Variants in NPHP4 observed in about 807,000 individuals in gnomAD.
NPHP4 encodes the protein nephrocystin-4.
Under a neutral mutation model 155.8 loss-of-function variants are expected in NPHP4, and 151 were observed. The ratio of observed to expected loss-of-function variants is 0.97; its 90% CI spans 0.85 to 1.11. NPHP4 has a LOEUF of 1.11. Ranked by LOEUF, NPHP4 falls within the 50% of genes least tolerant of loss-of-function variation. The pLI, the probability that NPHP4 is intolerant of heterozygous loss-of-function variation, is 0.00. For missense variants in NPHP4, 1,956 were observed against 1,925.7 expected (o/e 1.02, Z -0.29); for synonymous variants, 845 against 816.8 (o/e 1.03, Z -0.59).
chr1:5,868,132 G>C (rs561065975), intron 23 of NPHP4: 2 of 655,842 alleles, frequency 3.0e-6, no homozygotes, highest in South Asian at 3.3e-5. Context: ...GGGCACCCAA[G>C]CAGCCACACT....
chr1:5,868,595 C>A (rs1395584028), intron 23 of NPHP4, among the ~76,000 whole-genome samples: 1 of 151,170 alleles, frequency 6.6e-6, no homozygotes, highest in African/African-American at 2.4e-5. Flanking sequence ...CATGCACACC[C>A]ACATGCATGC....
chr1:5,951,250 G>A (rs913045160), intron 7 of NPHP4, among the ~76,000 whole-genome samples: 1 of 152,188 alleles, frequency 6.6e-6, no homozygotes, highest in South Asian at 2.1e-4. Flanking sequence ...CTCGTGTCGC[G>A]CAGTCACACA....
chr1:5,961,666 C>T (rs1650341587), intron 6 of NPHP4, 128 bp downstream of exon 6: 1 of 795,258 alleles, frequency 1.3e-6, no homozygotes, highest in African/African-American at 1.7e-5. Context: ...CCCGCCAGGC[C>T]GTGCTGCTGA....
intron 23 of NPHP4, among the ~76,000 whole-genome samples, chr1:5,868,539 C>T (rs190702921): frequency 1.4e-4 from 22 of 151,852 alleles, no homozygotes; most frequent in African/African-American, 2.7e-4. Flanking sequence ...CCCACACACA[C>T]GCATGCACTC....
At position 5,967,279 on chromosome 1, in the gene NPHP4, A is replaced by C. The variant is rs1378122652; in HGVS notation, c.517+20T>G. Reference sequence around the variant, plus strand: ...GGCACGAGAGCAGTGAGTGCTGCCAAGGCCAGGTCTGGCTCTTACGCTCTG... The same window carrying C: ...GGCACGAGAGCAGTGAGTGCTGCCACGGCCAGGTCTGGCTCTTACGCTCTG... On this transcript the variant is annotated intron_variant, in intron 5 of 29. Transcript: ENST00000378156. 2 of 1,588,486 alleles carry C rather than the reference A, an allele frequency of 1.3e-6. No homozygotes were observed. Among genetic ancestry groups the C allele is most frequent in the Admixed American group, 3.5e-5 (2 of 56,454 alleles).
intron 6 of NPHP4, among the ~76,000 whole-genome samples, chr1:5,957,943 C>T (rs182102929): frequency 6.6e-5 from 10 of 152,338 alleles, no homozygotes; most frequent in Non-Finnish European, 1.5e-4. Flanking sequence ...TATGACCTCC[C>T]TCCTAAGAGT....
chr1:5,893,696 T>C (rs776912743), intron 16 of NPHP4, among the ~76,000 whole-genome samples: 12 of 152,202 alleles, frequency 7.9e-5, no homozygotes, highest in Non-Finnish European at 1.6e-4. Flanking sequence ...CCACAAGAGA[T>C]GGAGGAGCAG....
chr1:5,905,739 G>A lies in NPHP4; in HGVS notation c.1656C>T (p.Asp552=). The A allele has an allele frequency of 6.2e-7, 1 of 1,612,938 alleles. No individual in the cohort carries two copies. Among genetic ancestry groups the A allele is most frequent in the Non-Finnish European group, 8.5e-7 (1 of 1,179,436 alleles). Reference sequence around the variant, plus strand: ...CCAGGACCAGGGAGGTCTGGCTCAGGTCGGCTTCCAGGTGGGAGATACCGG... The same window carrying A: ...CCAGGACCAGGGAGGTCTGGCTCAGATCGGCTTCCAGGTGGGAGATACCGG... The part of the protein sequence containing the change: ...LEAGISHLEA[D]LSQTSLVLET... Residue 552 remains aspartate, a synonymous_variant, in exon 14 of 30, where the codon GAC becomes GAT. Coordinates refer to ENST00000378156, the MANE Select transcript of NPHP4 (RefSeq NM_015102.5). The surrounding 1 kb of genome is among the most constrained non-coding windows in gnomAD (Gnocchi z 4.0).
chr1:5,977,618 G>C (rs1279592299), intron 3 of NPHP4, among the ~76,000 whole-genome samples: 1 of 151,572 alleles, frequency 6.6e-6, no homozygotes, highest in Non-Finnish European at 1.5e-5. Flanking sequence ...CCTGCAGAGA[G>C]CAGGTGCTGA....
chr1:5,864,872 C>T (rs1274366685), intron 27 of NPHP4: 1 of 564,288 alleles, frequency 1.8e-6, no homozygotes, highest in Non-Finnish European at 3.2e-6. Flanking sequence ...TTCACCTTGC[C>T]AGGAATTCTG....
Position 5,905,444 on chromosome 1 carries a change from C to A in NPHP4, c.1803G>T (p.Leu601=). Residue 601 remains leucine, a synonymous_variant, in exon 15 of 30, where the codon CTG becomes CTT. Transcript: ENST00000378156. This position sits in a 1 kb window ranked among gnomAD's most constrained non-coding sequence, Gnocchi z 4.0. Reference sequence around the variant, plus strand: ...GAATCTCGGGAAAGCCGGAGGACTGCAGGAGCACCATGGAGGCTCTCGAGG... The same window carrying A: ...GAATCTCGGGAAAGCCGGAGGACTGAAGGAGCACCATGGAGGCTCTCGAGG... ...GQPSRASMVL[L]QSSGFPEILD... 1 of 1,610,190 alleles carries A rather than the reference C, an allele frequency of 6.2e-7. No homozygotes were observed. Among genetic ancestry groups the A allele is most frequent in the African/African-American group, 1.3e-5 (1 of 74,972 alleles).
In NPHP4 at chr1:5,899,187, T is replaced by G. The variant is rs944575604; in HGVS notation, c.2143+5430A>C. On this transcript the variant is annotated intron_variant, in intron 16 of 29. Coordinates refer to ENST00000378156, the MANE Select transcript of NPHP4 (RefSeq NM_015102.5). ...CCAGCCGTTCACTACCAGGCATATC[T>G]CTAACACAACGGCCGTGCGCACCAA... Among the ~76,000 whole-genome samples, 8 of 152,152 alleles carry G rather than the reference T, an allele frequency of 5.3e-5. 1 individual carries two copies. The highest frequency in any genetic ancestry group is 4.6e-4 in the Admixed American group (7 of 15,290).
rs149928611 is a variant in NPHP4 at position 5,887,457 on chromosome 1, G to A, written c.2314C>T (p.Arg772Cys). ...SAAVQMKHLL[R>C]QGRPAVQASH... ...GCCTGCACAGCCGGCCGGCCTTGGC[G>A]GAGGAGATGCTGCAGAAGAGAAAAG... The change falls in exon 18 of 30, where the codon CGC (arginine) becomes TGC (cysteine). Residue 772 changes from arginine to cysteine, a missense_variant. Physicochemically the swap from Arg to Cys is radical, Grantham distance 180. Transcript: ENST00000378156. 45 of 1,613,114 alleles carry A rather than the reference G, an allele frequency of 2.8e-5. No homozygotes were observed. The highest frequency in any genetic ancestry group is 1.1e-4 in the East Asian group (5 of 44,864).
chr1:5,908,483 A>C lies in NPHP4; in HGVS notation c.1503+669T>G, dbSNP rs1645019513. ...CATCAGCAGGAACAAGCCACATCTG[A>C]CCTCACTGCAAATCACATAGCTAAG... On this transcript the variant is annotated intron_variant, in intron 12 of 29. Transcript: ENST00000378156. 3.3e-5 allele frequency among the ~76,000 whole-genome samples: 5 copies of C among 152,174 alleles called. No individual in the cohort carries two copies. The South Asian group carries it at 8.3e-4, about 25-fold the overall frequency.
chr1:5,887,518 C>G, intron 17 of NPHP4, 52 bp from the exon 18 acceptor site: 1 of 1,583,374 alleles, frequency 6.3e-7, no homozygotes, highest in Non-Finnish European at 8.6e-7. Flanking sequence ...TGGGCTGCTT[C>G]CACCAGCCCT....
chr1:5,897,864 G>C (rs1213765787), intron 16 of NPHP4, among the ~76,000 whole-genome samples: 1 of 152,238 alleles, frequency 6.6e-6, no homozygotes, highest in East Asian at 1.9e-4. Context: ...TTTAGAGGTA[G>C]AGTGTTACCA....
chr1:5,927,868 C>T, intron 10 of NPHP4, 81 bp from the exon 11 acceptor site: 1 of 1,446,678 alleles, frequency 6.9e-7, no homozygotes, highest in Non-Finnish European at 9.4e-7. Context: ...GAACAGCAGG[C>T]TCTGCCCTAA....
chr1:5,873,009 G>A (rs1171848013), intron 23 of NPHP4, among the ~76,000 whole-genome samples: 2 of 152,224 alleles, frequency 1.3e-5, no homozygotes, highest in Non-Finnish European at 2.9e-5. Flanking sequence ...AGAGCCCTGG[G>A]CTGTGAGAAG....
rs542963620 is a variant in NPHP4 at position 5,924,475 on chromosome 1, C to T, written c.1441+3174G>A. ...GACTGGTTTTAAAATCTCCTCCAAA[C>T]GCCTCATGAAAACAGGGCAGCCAGG... On this transcript the variant is annotated intron_variant, in intron 11 of 29. Coordinates refer to ENST00000378156, the MANE Select transcript of NPHP4 (RefSeq NM_015102.5). Among the ~76,000 whole-genome samples, 22 of 152,150 alleles carry T rather than the reference C, an allele frequency of 1.4e-4. No individual in the cohort carries two copies. The South Asian group carries it at 3.1e-3, about 22-fold the overall frequency.
Sources: gnomAD v4.1 joint callset for allele counts (sites outside exome capture counted in the v4.1 genomes callset) on GRCh38, gnomAD v4.1.1 for gene constraint, Gnocchi (gnomAD v3.1) non-coding constraint, MANE v1.5 for transcripts, NCBI Gene and HGNC (gene_info 2026-07-23, HGNC 2026-07-21) for gene names.